Variants in ITGB2 observed in about 807,000 individuals in gnomAD.
ITGB2 encodes the protein integrin subunit beta 2.
In ITGB2, 56 loss-of-function variants were observed where a neutral mutation model predicts 86.8. The observed-to-expected ratio is 0.65, with a 90% CI of 0.52 to 0.81. The LOEUF (loss-of-function observed/expected upper bound fraction) is 0.81. Among genes scored for constraint, ITGB2 ranks in the 30% least tolerant of loss-of-function variants. ITGB2 has a pLI of 0.00. For synonymous variants in ITGB2, 457 were observed against 450.4 expected (o/e 1.01, Z -0.19); for missense variants, 948 against 1,061.2 (o/e 0.89, Z 1.48).
At chr21:44,890,941 G>C (rs1237802324) in intron 11 of ITGB2, among the ~76,000 whole-genome samples, 2 of 151,936 alleles carry the variant, frequency 1.3e-5, no homozygotes, top group Non-Finnish European at 2.9e-5. Flanking sequence ...TGAGGCACGA[G>C]GACAGCAACA....
Position 44,901,652 on chromosome 21 carries a change from T to C in ITGB2, c.581A>G (p.Lys194Arg), listed in dbSNP as rs777252262. The change falls in exon 6 of 16, where the codon AAG (lysine) becomes AGG (arginine). Residue 194 changes from lysine to arginine, a missense_variant. Physicochemically the swap from Lys to Arg is conservative, Grantham distance 26 (BLOSUM62 2). Transcript: ENST00000652462. ...AAACGGGGGCTGGCACTCTTTCTCC[T>C]TGTTGGGGCATGGGTTTCGCAGCTT... ...PDKLRNPCPN[K>R]EKECQPPFAF... 1 of 1,614,234 alleles carries C rather than the reference T, an allele frequency of 6.2e-7. No individual in the cohort carries two copies. Among genetic ancestry groups the C allele is most frequent in the East Asian group, 2.2e-5 (1 of 44,892 alleles).
intron 11 of ITGB2, among the ~76,000 whole-genome samples, 178 bp downstream of exon 11, chr21:44,891,631 G>C (rs549257362): frequency 1.3e-5 from 2 of 152,160 alleles, no homozygotes; most frequent in African/African-American, 4.8e-5. Flanking sequence ...AGGGCTTGCC[G>C]AGGGGTTCTG....
chr21:44,896,020 G>C (rs1601294781), intron 8 of ITGB2, among the ~76,000 whole-genome samples: 1 of 151,670 alleles, frequency 6.6e-6, no homozygotes. Context: ...TGCGGTGTGA[G>C]TGATCCCGCC....
upstream of ITGB2, among the ~76,000 whole-genome samples, chr21:44,922,366 T>A (rs1019264918): frequency 2.6e-5 from 4 of 151,646 alleles, no homozygotes; most frequent in South Asian, 8.3e-4. Flanking sequence ...TGAAAAAAAA[T>A]ATGACAAATC....
intron 1 of ITGB2, among the ~76,000 whole-genome samples, chr21:44,913,470 C>T (rs1041667204): frequency 2.0e-5 from 3 of 152,162 alleles, no homozygotes; most frequent in Non-Finnish European, 4.4e-5. Flanking sequence ...GAGACCACGG[C>T]ACCCCAACCT....
intron 1 of ITGB2, among the ~76,000 whole-genome samples, chr21:44,912,612 T>G (rs1397728743): frequency 6.6e-6 from 1 of 152,206 alleles, no homozygotes; most frequent in Non-Finnish European, 1.5e-5. Context: ...GGGCCCACCC[T>G]GTGTCTGAAA....
intron 1 of ITGB2, among the ~76,000 whole-genome samples, chr21:44,920,116 G>A (rs190301179): frequency 1.1e-4 from 17 of 152,226 alleles, no homozygotes; most frequent in African/African-American, 3.9e-4. Flanking sequence ...AGGGAAGCTC[G>A]AGGGTCCCAG....
intron 1 of ITGB2, among the ~76,000 whole-genome samples, chr21:44,911,944 C>G (rs117368360): frequency 0.014 from 2,144 of 152,228 alleles, 38 homozygotes; most frequent in South Asian, 0.091. Context: ...GTCTGACCTC[C>G]CAGGACCTGA....
In ITGB2 at chr21:44,893,536, G is replaced by A; in HGVS notation, c.1092C>T (p.Ser364=). ...CGTTGTGATCCAGGAAGACCCTGGA[G>A]GAGAGTTTCTGCGGGCAGAGAGCGG... ...HLIKNAYNKL[S]SRVFLDHNAL... is the part of the protein sequence containing the mutation. Residue 364 remains serine, a synonymous_variant, in exon 10 of 16, where the codon TCC becomes TCT. Transcript: ENST00000652462. 1.2e-6 allele frequency: 2 copies of A among 1,614,016 alleles called. No homozygotes were observed. Among genetic ancestry groups the A allele is most frequent in the Non-Finnish European group, 1.7e-6 (2 of 1,179,924 alleles).
chr21:44,914,546 G>A (rs901789030), intron 1 of ITGB2, among the ~76,000 whole-genome samples: 28 of 152,198 alleles, frequency 1.8e-4, no homozygotes, highest in African/African-American at 5.1e-4. Flanking sequence ...CGAAAGCGGC[G>A]TCAGAAGAGA....
chr21:44,919,822 G>C (rs369594910), intron 1 of ITGB2, among the ~76,000 whole-genome samples: 2 of 152,234 alleles, frequency 1.3e-5, no homozygotes, highest in Non-Finnish European at 2.9e-5. Flanking sequence ...TCCAGGGGAG[G>C]GGGGATTGGG....
chr21:44,908,178 G>T, intron 3 of ITGB2: 1 of 731,516 alleles, frequency 1.4e-6, no homozygotes, highest in Admixed American at 1.9e-5. Flanking sequence ...ACCCAAAGCC[G>T]CTCCCTGTGG....
rs1164800023 is a variant in ITGB2 at position 44,886,347 on chromosome 21, C to T, written c.*21G>A. 2.5e-6 allele frequency: 4 copies of T among 1,612,304 alleles called. No individual in the cohort carries two copies. In the East Asian group the frequency reaches 8.9e-5, roughly 36 times the overall value. On this transcript the variant is annotated 3_prime_UTR_variant, in exon 16 of 16. Transcript: ENST00000652462. ...GGGCAGACATGGTGGGTCCTGACGG[C>T]CTTGTCTTCACCAAGTGCTCCTAAC...
intron 6 of ITGB2, among the ~76,000 whole-genome samples, chr21:44,900,820 G>A (rs1043580835): frequency 3.3e-5 from 5 of 152,238 alleles, no homozygotes; most frequent in African/African-American, 4.8e-5. Flanking sequence ...TGGGCCACAC[G>A]CAGAACGAGT....
chr21:44,894,696 C>A (rs976675561), intron 9 of ITGB2: 1 of 489,490 alleles, frequency 2.0e-6, no homozygotes, highest in Non-Finnish European at 3.8e-6. Flanking sequence ...TCCATAGAGA[C>A]CCGCAGAGAA....
chr21:44,926,925 G>A (rs1449097257), intron 1 of ITGB2: 1 of 152,246 alleles, frequency 6.6e-6, no homozygotes, highest in African/African-American at 2.4e-5. Flanking sequence ...TCGAGTTCAG[G>A]AGACAAGCAT....
chr21:44,886,623 G>A, intron 15 of ITGB2, 113 bp downstream of exon 15: 1 of 1,516,638 alleles, frequency 6.6e-7, no homozygotes. Context: ...AAGCTGCCTG[G>A]GGAGGCCGGG....
At position 44,890,022 on chromosome 21, in the gene ITGB2, G is replaced by T. The variant is rs2083763196; in HGVS notation, c.1613C>A (p.Thr538Asn). The change falls in exon 12 of 16, where the codon ACC (threonine) becomes AAC (asparagine). Residue 538 changes from threonine (T) to asparagine (N), a missense_variant. By Grantham distance (65) the Thr-to-Asn change is moderately conservative. Transcript: ENST00000652462. ...GCCGTTGTAGCGCTCACAGTTGATG[G>T]TGTCACACTCGCAGTACTGCCCGTA... ...LIYGQYCECD[T>N]INCERYNGQV... 1 of 1,613,486 alleles carries T rather than the reference G, an allele frequency of 6.2e-7. No homozygotes were observed. Among genetic ancestry groups the T allele is most frequent in the East Asian group, 2.2e-5 (1 of 44,876 alleles).
At chr21:44,906,626 G>T (rs1248353603) in intron 4 of ITGB2, among the ~76,000 whole-genome samples, 1 of 152,098 alleles carries the variant, frequency 6.6e-6, no homozygotes, top group Admixed American at 6.5e-5. Flanking sequence ...TTTGCAAATG[G>T]TTTGGTCTCC....
Sources: allele counts gnomAD v4.1 joint callset (sites outside exome capture counted in the v4.1 genomes callset), GRCh38; gene constraint gnomAD v4.1.1; transcripts MANE v1.5; gene names NCBI Gene and HGNC (gene_info 2026-07-23, HGNC 2026-07-21).